The following FNDC3B variants were observed in gnomAD, a reference collection of about 807,000 sequenced individuals.
FNDC3B encodes fibronectin type III domain containing 3B, also known as fibronectin type III domain-containing protein 3B.
Under a neutral mutation model 151.5 loss-of-function variants are expected in FNDC3B, and 12 were observed. The observed-to-expected ratio is 0.08, with a 90% CI of 0.05 to 0.13. The LOEUF is 0.13. Among genes scored for constraint, FNDC3B ranks in the 10% least tolerant of loss-of-function variants. The pLI is 1.00. For missense variants in FNDC3B, 1,214 were observed against 1,505.3 expected (o/e 0.81, Z 3.20); for synonymous variants, 528 against 549.0 (o/e 0.96, Z 0.54).
chr3:172,227,842 C>T (rs1726669109), intron 4 of FNDC3B, among the ~76,000 whole-genome samples: 1 of 152,150 alleles, frequency 6.6e-6, no homozygotes, highest in South Asian at 2.1e-4. Context: ...TTCTCTGTCT[C>T]TCAGCCTCTG....
At chr3:172,181,732 G>A (rs1175218125) in intron 3 of FNDC3B, among the ~76,000 whole-genome samples, 1 of 150,850 alleles carries the variant, frequency 6.6e-6, no homozygotes. Flanking sequence ...GGGAGGCTGA[G>A]GCTGGAGAAT....
chr3:172,304,607 C>T (rs1731097950), intron 9 of FNDC3B, among the ~76,000 whole-genome samples: 1 of 152,152 alleles, frequency 6.6e-6, no homozygotes. Context: ...GGAAAGAGGG[C>T]CGAGTGAGGC....
chr3:172,329,810 A>G (rs1189786272), intron 12 of FNDC3B: 1 of 152,242 alleles, frequency 6.6e-6, no homozygotes, highest in East Asian at 1.9e-4. Context: ...CATGGTAGCC[A>G]TTACAGCTTC....
intron 1 of FNDC3B, among the ~76,000 whole-genome samples, chr3:172,066,590 A>G (rs1489073016): frequency 6.6e-6 from 1 of 152,236 alleles, no homozygotes; most frequent in Non-Finnish European, 1.5e-5. Context: ...TGAGCCATTT[A>G]GTAAAGCTTG....
At chr3:172,080,464 T>C (rs1909562) in intron 1 of FNDC3B, among the ~76,000 whole-genome samples, 97,898 of 150,620 alleles carry the variant, frequency 0.65, 31,932 homozygotes, top group East Asian at 0.78. Context: ...TTTCTAGAGA[T>C]GAAGGGTCTT....
chr3:172,108,824 CT>C (rs1719811966), intron 1 of FNDC3B, among the ~76,000 whole-genome samples: 1 of 152,316 alleles, frequency 6.6e-6, no homozygotes, highest in African/African-American at 2.4e-5. Context: ...TGCTTTTATG[CT>C]TTTCCTCCTT....
intron 3 of FNDC3B, among the ~76,000 whole-genome samples, chr3:172,202,685 T>C (rs1725217238): frequency 6.6e-6 from 1 of 152,222 alleles, no homozygotes; most frequent in Non-Finnish European, 1.5e-5. Flanking sequence ...CCATCTGTTA[T>C]TGAATGAGTA....
intron 8 of FNDC3B, among the ~76,000 whole-genome samples, chr3:172,297,696 G>T (rs184963907): frequency 8.6e-5 from 13 of 152,032 alleles, no homozygotes; most frequent in Middle Eastern, 3.4e-3. Flanking sequence ...GGATGGTCTC[G>T]ATCTCCTGAC....
At chr3:172,176,752 GA>G (rs1232723264) in intron 3 of FNDC3B, among the ~76,000 whole-genome samples, 2 of 152,128 alleles carry the variant, frequency 1.3e-5, no homozygotes, top group Non-Finnish European at 2.9e-5. Flanking sequence ...GCTTGTTAAA[GA>G]AAAAATTATT....
intron 6 of FNDC3B, among the ~76,000 whole-genome samples, chr3:172,269,337 C>T (rs900520700): frequency 6.6e-6 from 1 of 152,130 alleles, no homozygotes; most frequent in African/African-American, 2.4e-5. Flanking sequence ...TAGCTCACTG[C>T]AGCCTCAAAC....
At chr3:172,163,332 A>G (rs764603985) in intron 3 of FNDC3B, among the ~76,000 whole-genome samples, 2 of 152,216 alleles carry the variant, frequency 1.3e-5, no homozygotes, top group African/African-American at 2.4e-5. Context: ...CCCACATCAT[A>G]GAGTAGAAAT....
chr3:172,147,576 A>G (rs1559988331), intron 3 of FNDC3B, among the ~76,000 whole-genome samples: 1 of 152,146 alleles, frequency 6.6e-6, no homozygotes. Context: ...AAGATTATCA[A>G]CAGGTAGTCT....
chr3:172,378,612 A>G (rs901028527), intron 24 of FNDC3B, among the ~76,000 whole-genome samples, 176 bp downstream of exon 24: 3 of 152,210 alleles, frequency 2.0e-5, no homozygotes, highest in Admixed American at 6.5e-5. Context: ...AGACCTTGAA[A>G]GGAAAGGGCC....
intron 6 of FNDC3B, among the ~76,000 whole-genome samples, chr3:172,263,147 A>G (rs539019724): frequency 6.6e-6 from 1 of 151,346 alleles, no homozygotes; most frequent in Admixed American, 6.6e-5. Context: ...TGCTTTCTAG[A>G]CTTATTAGAA....
chr3:172,203,646 C>A (rs1725272313), intron 3 of FNDC3B, among the ~76,000 whole-genome samples: 1 of 152,154 alleles, frequency 6.6e-6, no homozygotes. Context: ...TGGTGTTCTT[C>A]CAGATCGCAG....
chr3:172,153,440 T>C (rs1346378341), intron 3 of FNDC3B, among the ~76,000 whole-genome samples: 1 of 152,130 alleles, frequency 6.6e-6, no homozygotes, highest in Non-Finnish European at 1.5e-5. Context: ...TGCTCCAGAC[T>C]GTCTTGAATG....
At chr3:172,194,266 G>A (rs538233365) in intron 3 of FNDC3B, among the ~76,000 whole-genome samples, 1 of 152,226 alleles carries the variant, frequency 6.6e-6, no homozygotes, top group South Asian at 2.1e-4. Context: ...TTGTAGAGTA[G>A]TATTGATTGA....
intron 1 of FNDC3B, among the ~76,000 whole-genome samples, chr3:172,090,087 A>G (rs1165745299): frequency 2.0e-5 from 3 of 152,324 alleles, no homozygotes; most frequent in African/African-American, 7.2e-5. Flanking sequence ...ATTTCCAGAT[A>G]TTAATATTAT....
chr3:172,157,515 A>T (rs562008336), intron 3 of FNDC3B, among the ~76,000 whole-genome samples: 4 of 152,350 alleles, frequency 2.6e-5, no homozygotes, highest in Admixed American at 2.6e-4. Flanking sequence ...TTCTAGCACC[A>T]AAAGGCTCTC....
Sources: gnomAD v4.1 joint callset for allele counts (sites outside exome capture counted in the v4.1 genomes callset) on GRCh38, gnomAD v4.1.1 for gene constraint, MANE v1.5 for transcripts, NCBI Gene and HGNC (gene_info 2026-07-23, HGNC 2026-07-21) for gene names.